ATP2C1: variants seen among roughly 807,000 people sequenced by gnomAD.
ATP2C1 encodes the protein ATPase secretory pathway Ca2+ transporting 1, also known as calcium-transporting ATPase type 2C member 1.
In ATP2C1, 31 loss-of-function variants were observed where a neutral mutation model predicts 120.5. The observed-to-expected ratio is 0.26, with a 90% CI of 0.19 to 0.35. The LOEUF (loss-of-function observed/expected upper bound fraction) is 0.35, where lower values mean the gene tolerates loss of function less well. Ranked by LOEUF, ATP2C1 falls within the 10% of genes least tolerant of loss-of-function variation. The probability of loss-of-function intolerance (pLI) is 1.00; values close to 1 mark genes in which losing one functional copy is unlikely to be tolerated. For synonymous variants in ATP2C1, 351 were observed against 358.7 expected, an observed-to-expected ratio of 0.98 and a Z score of 0.24; for missense variants, 731 against 1,107.5, an observed-to-expected ratio of 0.66 and a Z score of 4.83.
chr3:131,009,556 A>G (rs2063240168), intron 26 of ATP2C1, among the ~76,000 whole-genome samples: 1 of 152,186 alleles, frequency 6.6e-6, no homozygotes, highest in African/African-American at 2.4e-5. Flanking sequence ...TACTTCTCTC[A>G]TTTTAACAGA....
At chr3:130,907,139 A>G (rs941652634) in intron 2 of ATP2C1, among the ~76,000 whole-genome samples, 2 of 152,040 alleles carry the variant, frequency 1.3e-5, no homozygotes, top group African/African-American at 2.4e-5. Flanking sequence ...AATATATTCT[A>G]TACTTGTACC....
intron 20 of ATP2C1, among the ~76,000 whole-genome samples, chr3:130,982,832 A>G (rs371234492): frequency 2.0e-5 from 3 of 152,188 alleles, no homozygotes; most frequent in African/African-American, 4.8e-5. Flanking sequence ...ATAGAAAAGT[A>G]AGAGCTACAA....
chr3:130,903,316 G>A (rs757007018), intron 2 of ATP2C1, among the ~76,000 whole-genome samples: 13 of 152,002 alleles, frequency 8.6e-5, no homozygotes, highest in East Asian at 5.8e-4. Flanking sequence ...ATAAATTATC[G>A]GTTAACTTAA....
chr3:130,954,419 G>A (rs1206351554), intron 9 of ATP2C1, among the ~76,000 whole-genome samples: 1 of 152,068 alleles, frequency 6.6e-6, no homozygotes. Context: ...GTCTCCTATT[G>A]AGTATAATAC....
At chr3:131,008,423 C>CAAAAAAAAAAAAAAAAAGAAA (rs2063198017) in intron 26 of ATP2C1, among the ~76,000 whole-genome samples, 1 of 86,984 alleles carries the variant, frequency 1.1e-5, no homozygotes, top group Non-Finnish European at 2.4e-5. Flanking sequence ...AAGACTGTCT[C>CAAAAAAAAAAAAAAAAAGAAA]AAAAAAAAAA....
chr3:130,915,348 A>C (rs144008000), intron 2 of ATP2C1, among the ~76,000 whole-genome samples: 4,122 of 151,870 alleles, frequency 0.027, 190 homozygotes, highest in African/African-American at 0.094. Context: ...CCCGCCTCAG[A>C]CTCCCAAAAT....
At chr3:130,997,867 T>A in intron 25 of ATP2C1, 114 bp downstream of exon 25, 1 of 1,067,884 alleles carries the variant, frequency 9.4e-7, no homozygotes, top group Non-Finnish European at 1.4e-6. Context: ...GCTCTTTTAG[T>A]GAAAAATATA....
intron 25 of ATP2C1, among the ~76,000 whole-genome samples, chr3:130,998,026 A>G (rs2062711353): frequency 6.6e-6 from 1 of 152,176 alleles, no homozygotes; most frequent in African/African-American, 2.4e-5. Flanking sequence ...TCTTAAAATC[A>G]TAGAGCCACT....
chr3:130,949,911 A>G (rs1336790391), intron 8 of ATP2C1, among the ~76,000 whole-genome samples: 1 of 152,136 alleles, frequency 6.6e-6, no homozygotes, highest in Non-Finnish European at 1.5e-5. Flanking sequence ...TTTTCTGGGG[A>G]GAGAAATCCA....
chr3:131,005,368 T>C (rs545214931), downstream of ATP2C1, among the ~76,000 whole-genome samples: 21 of 152,286 alleles, frequency 1.4e-4, no homozygotes, highest in African/African-American at 3.8e-4. Context: ...TCCACCAGCC[T>C]TGGGCTCCCA....
intron 1 of ATP2C1, among the ~76,000 whole-genome samples, chr3:130,860,997 C>T (rs1171267833): frequency 6.6e-6 from 1 of 152,130 alleles, no homozygotes; most frequent in East Asian, 1.9e-4. Context: ...CGACATGGTG[C>T]GGTGGCTCAC....
At chr3:130,942,095 A>AT (rs1338387638) in intron 8 of ATP2C1, among the ~76,000 whole-genome samples, 1 of 152,232 alleles carries the variant, frequency 6.6e-6, no homozygotes, top group East Asian at 1.9e-4. Context: ...GTTCCACCTG[A>AT]TTTGAATGAG....
Position 130,894,162 on chromosome 3 carries a change from C to CCCCCCA in ATP2C1, c.-356_-355insCCCCCA. Reference sequence around the variant, plus strand: ...CCTCCTCTTCTCTCCCCTCCCCGCCCGCCCTCTCTCCCTCCCTTCCTCCCT... The same window carrying CCCCCCA: ...CCTCCTCTTCTCTCCCCTCCCCGCCCCCCCCAGCCCTCTCTCCCTCCCTTCCTCCCT... On this transcript the variant is annotated 5_prime_UTR_variant, in exon 1 of 28. Transcript: ENST00000510168. This position sits in a 1 kb window ranked among gnomAD's most constrained non-coding sequence, Gnocchi z 4.5. 1 of 733,882 alleles carries CCCCCCA rather than the reference C, an allele frequency of 1.4e-6. No individual in the cohort carries two copies. Among genetic ancestry groups the CCCCCCA allele is most frequent in the Non-Finnish European group, 1.7e-6 (1 of 600,202 alleles). The allele number at this position is 733,882 out of a possible 1,614,324, so 45.5% of individuals were successfully genotyped here.
In ATP2C1 at chr3:130,955,072, G is replaced by A. The variant is rs1373639517; in HGVS notation, c.748G>A (p.Ala250Thr). Residue 250 changes from alanine (A) to threonine (T), a missense_variant, in exon 10 of 28, where the codon GCA (alanine) becomes ACA (threonine). Around this residue, in one of 3 missense-constraint regions of ATP2C1, gnomAD observed 571 missense variants for 845.9 expected, o/e 0.67. Coordinates refer to ENST00000510168, the MANE Select transcript of ATP2C1 (RefSeq NM_001378687.1). ...EFGEVFKMMQ[A>T]EEAPKTPLQK... is the part of the protein sequence containing the mutation. ...TGGGGAGGTTTTTAAAATGATGCAA[G>A]CAGAAGAGGTGAGTACTTAATATGT... 2 of 1,604,856 alleles carry A rather than the reference G, an allele frequency of 1.2e-6. No homozygotes were observed. Among genetic ancestry groups the A allele is most frequent in the Non-Finnish European group, 1.7e-6 (2 of 1,171,974 alleles).
At chr3:130,889,638 C>CTTTTTTTTTTTTTTTTTTTTTTTTTTTT, upstream of ATP2C1, among the ~76,000 whole-genome samples, 1 of 77,650 alleles carries the variant, frequency 1.3e-5, no homozygotes, top group Non-Finnish European at 2.3e-5. Context: ...ATTCTTTAAA[C>CTTTTTTTTTTTTTTTTTTTTTTTTTTTT]TTTTTTTTTT....
At chr3:130,930,557 A>C (rs186849157) in intron 3 of ATP2C1, 31 bp downstream of exon 3, 58 of 1,365,230 alleles carry the variant, frequency 4.2e-5, no homozygotes, top group Non-Finnish European at 2.3e-5. Context: ...AAGGGACTAG[A>C]TGGTGTAAAG....
intron 1 of ATP2C1, among the ~76,000 whole-genome samples, chr3:130,867,684 G>A (rs1476757485): frequency 6.6e-6 from 1 of 150,804 alleles, no homozygotes; most frequent in African/African-American, 2.4e-5. Flanking sequence ...CCAAAGAGCC[G>A]AGATTGCAGC....
exon 27 of ATP2C1, chr3:131,016,641 C>T (rs1030392592): frequency 5.0e-6 from 2 of 396,380 alleles, no homozygotes; most frequent in African/African-American, 2.0e-5. Context: ...TCTCTAAACC[C>T]TAAATCTGTG....
chr3:130,879,454 T>C (rs2068713597), intron 1 of ATP2C1, among the ~76,000 whole-genome samples: 1 of 152,214 alleles, frequency 6.6e-6, no homozygotes, highest in South Asian at 2.1e-4. Context: ...TTGATTTTAT[T>C]GTATTGTTTA....
Sources: allele counts gnomAD v4.1 joint callset (sites outside exome capture counted in the v4.1 genomes callset), GRCh38; gene constraint gnomAD v4.1.1; regional missense constraint gnomAD v4.1.1; non-coding constraint Gnocchi (gnomAD v3.1); transcripts MANE v1.5; gene names NCBI Gene and HGNC (gene_info 2026-07-23, HGNC 2026-07-21).